Variants in DCUN1D1 observed in about 807,000 individuals in gnomAD.
DCUN1D1 encodes defective in cullin neddylation 1 domain containing 1.
Under a neutral mutation model 39.0 loss-of-function variants are expected in DCUN1D1, and 3 were observed. The ratio of observed to expected loss-of-function variants is 0.08; its 90% CI spans 0.04 to 0.20. The LOEUF (loss-of-function observed/expected upper bound fraction) is 0.20. Ranked by LOEUF, DCUN1D1 falls within the 10% of genes least tolerant of loss-of-function variation. The pLI, the probability that DCUN1D1 is intolerant of heterozygous loss-of-function variation, is 1.00. For missense variants in DCUN1D1, 158 were observed against 302.4 expected (o/e 0.52, Z 3.54); for synonymous variants, 82 against 96.3 (o/e 0.85, Z 0.87).
At chr3:182,983,913 C>T (rs1560188432), upstream of DCUN1D1, among the ~76,000 whole-genome samples, 2 of 152,072 alleles carry the variant, frequency 1.3e-5, no homozygotes, top group South Asian at 2.1e-4. Flanking sequence ...AAGTTTCTCC[C>T]CACACCTTAC....
intron 4 of DCUN1D1, among the ~76,000 whole-genome samples, chr3:182,949,804 A>AC (rs933687445): frequency 3.3e-5 from 5 of 152,166 alleles, no homozygotes; most frequent in African/African-American, 1.2e-4. Context: ...TGCAAGACTG[A>AC]CCCTTAACTT....
chr3:182,957,424 T>G (rs1248294491), intron 4 of DCUN1D1, among the ~76,000 whole-genome samples: 1 of 152,110 alleles, frequency 6.6e-6, no homozygotes, highest in Non-Finnish European at 1.5e-5. Flanking sequence ...GCCAGGAGGT[T>G]GAGGCCAGCC....
intron 1 of DCUN1D1, among the ~76,000 whole-genome samples, chr3:182,975,240 G>A (rs1254769450): frequency 2.0e-5 from 3 of 149,806 alleles, no homozygotes; most frequent in Non-Finnish European, 4.4e-5. Context: ...GCAGTGGTGC[G>A]ATCTCGGCTC....
chr3:182,948,356 T>C (rs1726523814), intron 4 of DCUN1D1, among the ~76,000 whole-genome samples: 2 of 152,344 alleles, frequency 1.3e-5, no homozygotes, highest in Non-Finnish European at 2.9e-5. Flanking sequence ...TAACTGGGCA[T>C]GGACCAGAGA....
At chr3:182,962,682 C>T (rs1401632816) in intron 3 of DCUN1D1, among the ~76,000 whole-genome samples, 3 of 152,354 alleles carry the variant, frequency 2.0e-5, no homozygotes, top group African/African-American at 2.4e-5. Context: ...CTTACTGCAA[C>T]TGCTACCTGT....
At chr3:182,984,188 C>G (rs1728653202), upstream of DCUN1D1, among the ~76,000 whole-genome samples, 2 of 152,172 alleles carry the variant, frequency 1.3e-5, no homozygotes, top group South Asian at 4.1e-4. Context: ...TTCTCCTTGG[C>G]AGATGTATGT....
chr3:182,975,675 G>A (rs1360485786), intron 1 of DCUN1D1, among the ~76,000 whole-genome samples: 1 of 145,284 alleles, frequency 6.9e-6, no homozygotes, highest in East Asian at 1.9e-4. Context: ...AGGAGTGCTT[G>A]CTGGGTTAAA....
At chr3:182,974,296 A>T (rs1203914618) in intron 1 of DCUN1D1, among the ~76,000 whole-genome samples, 1 of 152,218 alleles carries the variant, frequency 6.6e-6, no homozygotes, top group East Asian at 1.9e-4. Flanking sequence ...ATTTCTGATT[A>T]TGATAAATAA....
chr3:182,950,070 T>C (rs548016592), intron 4 of DCUN1D1, among the ~76,000 whole-genome samples: 1 of 152,332 alleles, frequency 6.6e-6, no homozygotes, highest in East Asian at 1.9e-4. Context: ...GTTGATTTGC[T>C]TTCCCCTCTT....
chr3:182,955,492 T>C (rs1456493065), intron 4 of DCUN1D1: 1 of 535,862 alleles, frequency 1.9e-6, no homozygotes, highest in East Asian at 5.0e-5. Flanking sequence ...TTTGTAAACA[T>C]TTAACACATT....
At chr3:182,975,079 C>T (rs935754415) in intron 1 of DCUN1D1, among the ~76,000 whole-genome samples, 8 of 152,042 alleles carry the variant, frequency 5.3e-5, no homozygotes, top group African/African-American at 1.9e-4. Context: ...CCAGACTTTC[C>T]TTATGCTTGA....
At chr3:182,958,236 A>G (rs1727194773) in intron 4 of DCUN1D1, among the ~76,000 whole-genome samples, 2 of 152,132 alleles carry the variant, frequency 1.3e-5, no homozygotes, top group Non-Finnish European at 2.9e-5. Flanking sequence ...AAACCAAAAA[A>G]AAAAACTATG....
chr3:182,962,320 T>G (rs1261563831), intron 3 of DCUN1D1, among the ~76,000 whole-genome samples: 1 of 152,236 alleles, frequency 6.6e-6, no homozygotes, highest in Non-Finnish European at 1.5e-5. Flanking sequence ...TTTGTGATAT[T>G]GGACTGCAAA....
chr3:182,961,492 T>C (rs1201751878), intron 3 of DCUN1D1, 136 bp from the exon 4 acceptor site: 1 of 821,056 alleles, frequency 1.2e-6, no homozygotes. Flanking sequence ...TCAGTCTTTT[T>C]ATATTACATA....
chr3:182,979,596 T>TG (rs1728415095), intron 1 of DCUN1D1, among the ~76,000 whole-genome samples: 1 of 16,636 alleles, frequency 6.0e-5, no homozygotes, highest in South Asian at 1.7e-3. Flanking sequence ...TGGAGAGGAC[T>TG]TTTTCCCCCC....
chr3:182,960,454 ATAAC>A (rs1429411955), intron 4 of DCUN1D1, among the ~76,000 whole-genome samples: 1 of 152,214 alleles, frequency 6.6e-6, no homozygotes, highest in East Asian at 1.9e-4. Context: ...ACCTTCATTC[ATAAC>A]TATCTTCTCA....
chr3:182,962,827 C>T (rs766982754), intron 3 of DCUN1D1, among the ~76,000 whole-genome samples: 4 of 152,194 alleles, frequency 2.6e-5, no homozygotes, highest in Non-Finnish European at 4.4e-5. Context: ...GCTGCCCAGG[C>T]TGGAGTGCAA....
upstream of DCUN1D1, chr3:182,980,702 C>G: frequency 2.9e-6 from 1 of 347,776 alleles, no homozygotes; most frequent in Non-Finnish European, 4.0e-6. Context: ...CCCCCGGGCG[C>G]GGGGGTCCCC....
At chr3:182,963,704 T>C (rs1024545958) in intron 3 of DCUN1D1, among the ~76,000 whole-genome samples, 177 bp downstream of exon 3, 1 of 152,200 alleles carries the variant, frequency 6.6e-6, no homozygotes, top group African/African-American at 2.4e-5. Context: ...GTACTAACTA[T>C]ATAAATAACT....
Sources: gnomAD v4.1 joint callset for allele counts (sites outside exome capture counted in the v4.1 genomes callset) on GRCh38, gnomAD v4.1.1 for gene constraint, MANE v1.5 for transcripts, NCBI Gene and HGNC (gene_info 2026-07-23, HGNC 2026-07-21) for gene names.